CBR4: variants seen among roughly 807,000 people sequenced by gnomAD.
The protein encoded by CBR4 is 3-oxoacyl-[acyl-carrier-protein] reductase.
In CBR4, 22 loss-of-function variants were observed where a neutral mutation model predicts 21.0. The observed-to-expected ratio is 1.05, with a 90% CI of 0.75 to 1.50. CBR4 has a LOEUF of 1.50. Among genes scored for constraint, CBR4 ranks in the 40% most tolerant of loss-of-function variants. The pLI is 0.00. For missense variants in CBR4, 302 were observed against 286.3 expected (o/e 1.05, Z -0.40); for synonymous variants, 100 against 104.4 (o/e 0.96, Z 0.26).
intron 2 of CBR4, among the ~76,000 whole-genome samples, chr4:168,962,641 T>A (rs977696176): frequency 2.0e-5 from 3 of 152,150 alleles, no homozygotes; most frequent in Non-Finnish European, 4.4e-5. Context: ...TCAAGAAAAA[T>A]ACAGTTAAAT....
At chr4:169,002,724 G>A (rs1349412378) in intron 3 of CBR4, among the ~76,000 whole-genome samples, 1 of 148,744 alleles carries the variant, frequency 6.7e-6, no homozygotes, top group Non-Finnish European at 1.5e-5. Context: ...GCTTTATTGT[G>A]CTTTGCAGAT....
chr4:168,966,951 C>T (rs1362031848), intron 2 of CBR4, among the ~76,000 whole-genome samples: 2 of 151,426 alleles, frequency 1.3e-5, no homozygotes, highest in Non-Finnish European at 1.5e-5. Context: ...GGAGGCCGAG[C>T]TTGCAGCGAG....
At position 168,989,912 on chromosome 4, in the gene CBR4, G is replaced by A; in HGVS notation, c.*238C>T. 3 of 1,148,192 alleles carry A rather than the reference G, an allele frequency of 2.6e-6. No individual in the cohort carries two copies. Among genetic ancestry groups the A allele is most frequent in the Non-Finnish European group, 3.2e-6 (3 of 930,598 alleles). 71.1% of individuals were successfully genotyped at this position (1,148,192 alleles called of 1,614,324 possible). A position where few individuals can be genotyped will look rare whatever the true frequency, so the allele number is the denominator to read the frequency against. ...TGTGTGATTATATGGTATGTGAATT[G>A]TATCTCATGAAGGCTTTTTAAACAA... is the stretch of plus-strand genomic sequence containing the variant. On this transcript the variant is annotated 3_prime_UTR_variant, in exon 5 of 5. Transcript: ENST00000306193.
chr4:168,941,242 G>A (rs989276386), intron 2 of CBR4, among the ~76,000 whole-genome samples: 2 of 152,068 alleles, frequency 1.3e-5, no homozygotes, highest in Non-Finnish European at 2.9e-5. Context: ...CAATTGATGG[G>A]TGCAGCAAAC....
At chr4:168,937,605 G>T (rs575918847) in intron 2 of CBR4, among the ~76,000 whole-genome samples, 1 of 148,316 alleles carries the variant, frequency 6.7e-6, no homozygotes, top group South Asian at 2.2e-4. Context: ...CAAAATAAAT[G>T]GAAGAATATT....
chr4:168,977,112 C>A (rs1173038721), intron 2 of CBR4, among the ~76,000 whole-genome samples: 1 of 152,200 alleles, frequency 6.6e-6, no homozygotes. Context: ...TGTGGTGGTT[C>A]TTGGAGTAAA....
At chr4:168,906,630 G>A (rs6819437) in intron 2 of CBR4, among the ~76,000 whole-genome samples, 22,614 of 152,022 alleles carry the variant, frequency 0.15, 2,046 homozygotes, top group African/African-American at 0.25. Flanking sequence ...AGAAATTTTT[G>A]TTTATTCATT....
chr4:168,999,699 C>T (rs1229879190), intron 4 of CBR4, among the ~76,000 whole-genome samples: 1 of 150,938 alleles, frequency 6.6e-6, no homozygotes, highest in African/African-American at 2.4e-5. Context: ...ACTACAACCA[C>T]ACTTCCATAA....
intron 2 of CBR4, among the ~76,000 whole-genome samples, chr4:168,965,696 A>G (rs1386901930): frequency 3.9e-5 from 6 of 152,226 alleles, no homozygotes; most frequent in African/African-American, 1.4e-4. Flanking sequence ...CTGGCTAGCC[A>G]TATGTAGAAA....
At chr4:169,006,610 TC>T (rs1730929450) in intron 3 of CBR4, 144 bp downstream of exon 3, 2 of 762,378 alleles carry the variant, frequency 2.6e-6, no homozygotes, top group Non-Finnish European at 4.2e-6. Flanking sequence ...CTTATTTTAC[TC>T]ATTAATCAAT....
chr4:168,985,337 G>C (rs1055739140), downstream of CBR4, among the ~76,000 whole-genome samples: 3 of 152,226 alleles, frequency 2.0e-5, no homozygotes, highest in South Asian at 2.1e-4. Context: ...AAACCAACAT[G>C]AGATACCATC....
intron 2 of CBR4, among the ~76,000 whole-genome samples, chr4:168,904,466 C>T (rs932590971): frequency 1.3e-5 from 2 of 152,030 alleles, no homozygotes; most frequent in Admixed American, 1.3e-4. Flanking sequence ...AATCAGTTGC[C>T]TTCTTAGAAT....
At chr4:168,956,551 C>T (rs1328015459) in intron 2 of CBR4, among the ~76,000 whole-genome samples, 6 of 128,392 alleles carry the variant, frequency 4.7e-5, no homozygotes, top group African/African-American at 1.8e-4. Flanking sequence ...TGAACTGAGA[C>T]TGCACCACTG....
At chr4:168,962,574 G>C (rs915201488) in intron 2 of CBR4, among the ~76,000 whole-genome samples, 1 of 152,228 alleles carries the variant, frequency 6.6e-6, no homozygotes, top group Non-Finnish European at 1.5e-5. Context: ...CTGGTTGGTA[G>C]AGAAAGATGA....
chr4:168,915,652 T>G (rs1377015663), intron 2 of CBR4, among the ~76,000 whole-genome samples: 1 of 152,180 alleles, frequency 6.6e-6, no homozygotes, highest in Non-Finnish European at 1.5e-5. Context: ...TACCCCATTT[T>G]TTTCCATTTC....
At chr4:168,981,704 C>T (rs1764551571) in intron 2 of CBR4, among the ~76,000 whole-genome samples, 1 of 152,146 alleles carries the variant, frequency 6.6e-6, no homozygotes, top group Non-Finnish European at 1.5e-5. Context: ...ATCAGGCTAA[C>T]AACAGAACTT....
intron 2 of CBR4, among the ~76,000 whole-genome samples, chr4:168,945,199 G>C (rs1290270126): frequency 6.6e-6 from 1 of 152,116 alleles, no homozygotes; most frequent in Non-Finnish European, 1.5e-5. Flanking sequence ...GTGGAGCCCA[G>C]CACTCTGCAT....
At position 168,988,499 on chromosome 4, in the gene CBR4, A is replaced by G. The variant is rs1764771358; in HGVS notation, c.*1651T>C. Reference sequence around the variant, plus strand: ...GCTGCCATAATGGGGAAGTACAGGTAGCCAAAGGCCAGCAATTGAGACAGC... The same window carrying G: ...GCTGCCATAATGGGGAAGTACAGGTGGCCAAAGGCCAGCAATTGAGACAGC... On this transcript the variant is annotated 3_prime_UTR_variant, in exon 5 of 5. Coordinates refer to ENST00000306193, the MANE Select transcript of CBR4 (RefSeq NM_032783.5). The G allele has an allele frequency of 2.0e-6, 2 of 985,454 alleles. No homozygotes were observed. The highest frequency in any genetic ancestry group is 2.4e-6 in the Non-Finnish European group (2 of 829,934). The allele number at this position is 985,454 out of a possible 1,614,324, so 61.0% of individuals were successfully genotyped here.
At chr4:168,993,545 T>C (rs1221246086) in intron 4 of CBR4, among the ~76,000 whole-genome samples, 1 of 152,096 alleles carries the variant, frequency 6.6e-6, no homozygotes, top group African/African-American at 2.4e-5. Context: ...TCAGAGAGTA[T>C]CCTAGGAAGA....
Sources: allele counts gnomAD v4.1 joint callset (sites outside exome capture counted in the v4.1 genomes callset), GRCh38; gene constraint gnomAD v4.1.1; transcripts MANE v1.5; gene names NCBI Gene and HGNC (gene_info 2026-07-23, HGNC 2026-07-21).